The following CYTIP variants were observed in gnomAD, a reference collection of about 807,000 sequenced individuals.
The protein encoded by CYTIP is cytohesin 1 interacting protein.
A neutral mutation model predicts 43.8 loss-of-function variants in CYTIP; 26 were observed. That is an observed-to-expected ratio of 0.59 (90% confidence interval 0.44 to 0.82). The LOEUF is 0.82. Among genes scored for constraint, CYTIP ranks in the 40% least tolerant of loss-of-function variants. The pLI is 0.00. For missense variants in CYTIP, 426 were observed against 443.1 expected, an observed-to-expected ratio of 0.96 and a Z score of 0.35; for synonymous variants, 162 against 162.9, an observed-to-expected ratio of 0.99 and a Z score of 0.04.
chr2:157,415,886 C>G lies in CYTIP; in HGVS notation c.871G>C (p.Asp291His), dbSNP rs1422165949. The G allele has an allele frequency of 1.2e-6, 2 of 1,614,070 alleles. No individual in the cohort carries two copies. Among genetic ancestry groups the G allele is most frequent in the Non-Finnish European group, 1.7e-6 (2 of 1,180,024 alleles). The change falls in exon 8 of 8, where the codon GAT (aspartate) becomes CAT (histidine). Residue 291 changes from aspartate to histidine, a missense_variant. By Grantham distance (81) the Asp-to-His change is moderately conservative. Transcript: ENST00000264192. Reference protein sequence around the residue: ...DDECFIPKEGDDFLRRSSSRR... With the variant: ...DDECFIPKEGHDFLRRSSSRR... Reference sequence around the variant, plus strand: ...GAAGATGACCTCCTCAGAAAATCATCCCCCTCCTTGGGGATAAAGCACTCA... The same window carrying G: ...GAAGATGACCTCCTCAGAAAATCATGCCCCTCCTTGGGGATAAAGCACTCA...
rs1685567774 is a variant in CYTIP, at chr2:157,424,270, T to C, written c.546+3081A>G. On this transcript the variant is annotated intron_variant, in intron 6 of 7. Transcript: ENST00000264192. ...AATTTAGCAAAGTGTTTGAATATAG[T>C]CACAGCACAGAAAAATTTATTTCAC... 2.0e-5 allele frequency among the ~76,000 whole-genome samples: 3 copies of C among 152,150 alleles called. 1 individual carries two copies. In the South Asian group the frequency reaches 6.2e-4, roughly 31 times the overall value.
At chr2:157,430,332 G>A (rs571561860) in intron 5 of CYTIP, among the ~76,000 whole-genome samples, 4 of 152,246 alleles carry the variant, frequency 2.6e-5, no homozygotes, top group East Asian at 1.9e-4. Flanking sequence ...CCACACAGAC[G>A]TTTGGGCTAT....
intron 2 of CYTIP, 124 bp from the exon 3 acceptor site, chr2:157,434,548 G>T: frequency 1.1e-6 from 1 of 920,180 alleles, no homozygotes; most frequent in Non-Finnish European, 1.7e-6. Context: ...ATTGTAGTAT[G>T]TAAGATTCTG....
chr2:157,433,346 T>C (rs2105142443), intron 3 of CYTIP, among the ~76,000 whole-genome samples: 1 of 152,310 alleles, frequency 6.6e-6, no homozygotes, highest in East Asian at 1.9e-4. Context: ...GAAGTGATCC[T>C]CTTTTCAAAG....
chr2:157,437,665 A>T (rs1234958144), intron 1 of CYTIP, among the ~76,000 whole-genome samples: 18 of 143,834 alleles, frequency 1.3e-4, no homozygotes, highest in African/African-American at 4.4e-4. Flanking sequence ...ATGCCATTGC[A>T]CTCCAGCCTG....
chr2:157,419,962 G>T (rs763332559), intron 6 of CYTIP, among the ~76,000 whole-genome samples: 1 of 152,136 alleles, frequency 6.6e-6, no homozygotes, highest in Admixed American at 6.5e-5. Flanking sequence ...ATATAAAATC[G>T]AGCAATAAAT....
At chr2:157,440,259 C>T (rs1023270414) in intron 1 of CYTIP, among the ~76,000 whole-genome samples, 3 of 152,134 alleles carry the variant, frequency 2.0e-5, no homozygotes, top group African/African-American at 7.2e-5. Flanking sequence ...TATCAACGCT[C>T]CACAGACTAT....
chr2:157,428,392 G>A (rs188230423), intron 5 of CYTIP, among the ~76,000 whole-genome samples: 2 of 152,178 alleles, frequency 1.3e-5, no homozygotes, highest in Admixed American at 1.3e-4. Context: ...GAATAATCAG[G>A]TGGTAGCAAG....
rs767389855 is a variant in CYTIP at position 157,443,910 on chromosome 2, G to A, written c.111C>T (p.Asp37=). The change falls in exon 1 of 8, where the codon GAC becomes GAT. Residue 37 remains aspartate, a synonymous_variant. Transcript: ENST00000264192. The part of the protein sequence containing the change: ...YSTLTGSLTM[D]DNRRIQMLAD... ...CTAGCATTTGAATCCTTCTATTATC[G>A]TCCATCGTAAGGCTGCCGGTGAGTG... 5.6e-5 allele frequency: 91 copies of A among 1,613,926 alleles called. No individual in the cohort carries two copies. The highest frequency in any genetic ancestry group is 2.9e-4 in the East Asian group (13 of 44,896).
chr2:157,438,308 G>T (rs140175294), intron 1 of CYTIP, among the ~76,000 whole-genome samples: 1 of 152,170 alleles, frequency 6.6e-6, no homozygotes, highest in African/African-American at 2.4e-5. Flanking sequence ...TCACTCATAT[G>T]TGGAAGCTAA....
At chr2:157,427,061 A>G (rs557624986) in intron 6 of CYTIP, among the ~76,000 whole-genome samples, 2 of 152,310 alleles carry the variant, frequency 1.3e-5, no homozygotes, top group East Asian at 1.9e-4. Flanking sequence ...ATGTAAATCA[A>G]TAGAGATCAC....
chr2:157,434,597 G>C, intron 2 of CYTIP, 101 bp downstream of exon 2: 1 of 457,952 alleles, frequency 2.2e-6, no homozygotes, highest in Non-Finnish European at 3.6e-6. Flanking sequence ...TGTGTGCGTA[G>C]AGAGAGAGAG....
chr2:157,424,617 G>A (rs1370111231), intron 6 of CYTIP, among the ~76,000 whole-genome samples: 1 of 152,138 alleles, frequency 6.6e-6, no homozygotes, highest in Non-Finnish European at 1.5e-5. Context: ...CTTGAGCCCA[G>A]AGTTTGAGAC....
At chr2:157,420,387 G>C (rs1573854117) in intron 6 of CYTIP, among the ~76,000 whole-genome samples, 3 of 152,010 alleles carry the variant, frequency 2.0e-5, no homozygotes, top group South Asian at 2.1e-4. Flanking sequence ...GTGATGGCAG[G>C]CATCTGTAAT....
At chr2:157,424,250 A>T (rs1489334346) in intron 6 of CYTIP, among the ~76,000 whole-genome samples, 1 of 152,212 alleles carries the variant, frequency 6.6e-6, no homozygotes, top group Non-Finnish European at 1.5e-5. Context: ...TCTATAATTT[A>T]GCAAAGTGTT....
In CYTIP at chr2:157,415,901, T is replaced by A; in HGVS notation, c.856A>T (p.Ile286Phe). 1 of 1,614,186 alleles carries A rather than the reference T, an allele frequency of 6.2e-7. No homozygotes were observed. Among genetic ancestry groups the A allele is most frequent in the South Asian group, 1.1e-5 (1 of 91,078 alleles). ...RQTSTDDECF[I>F]PKEGDDFLRR... ...AGAAAATCATCCCCCTCCTTGGGGA[T>A]AAAGCACTCATCATCTGTACTCGTC... is the stretch of plus-strand genomic sequence containing the variant. Residue 286 changes from isoleucine to phenylalanine, a missense_variant, in exon 8 of 8, where the codon ATC becomes TTC. Ile to Phe is a conservative substitution (Grantham distance 21, BLOSUM62 0). Transcript: ENST00000264192.
chr2:157,435,153 G>A (rs1685791366), intron 1 of CYTIP, among the ~76,000 whole-genome samples: 1 of 152,054 alleles, frequency 6.6e-6, no homozygotes, highest in Admixed American at 6.6e-5. Flanking sequence ...GCCTCTGAAA[G>A]ATTAACCATA....
At position 157,414,878 on chromosome 2, in the gene CYTIP, C is replaced by A. The variant is rs1573851320; in HGVS notation, c.*799G>T. ...AACTACAGGAGGGAAGTCCTTTTCC[C>A]AACCCTCAGTTTTGGATGTTAGACA... On this transcript the variant is annotated 3_prime_UTR_variant, in exon 8 of 8. Coordinates refer to ENST00000264192, the MANE Select transcript of CYTIP (RefSeq NM_004288.5). 6.6e-6 allele frequency: 1 copy of A among 152,048 alleles called. No individual in the cohort carries two copies. Among genetic ancestry groups the A allele is most frequent in the East Asian group, 1.9e-4 (1 of 5,202 alleles). The allele number at this position is 152,048 out of a possible 1,614,324, so 9.4% of individuals were successfully genotyped here.
intron 1 of CYTIP, among the ~76,000 whole-genome samples, chr2:157,443,347 A>AAT (rs942983962): frequency 2.0e-5 from 3 of 152,184 alleles, no homozygotes; most frequent in Non-Finnish European, 4.4e-5. Flanking sequence ...CCAAAAAAAA[A>AAT]AAATCTTACT....
Sources: allele counts gnomAD v4.1 joint callset (sites outside exome capture counted in the v4.1 genomes callset), GRCh38; gene constraint gnomAD v4.1.1; transcripts MANE v1.5; gene names NCBI Gene and HGNC (gene_info 2026-07-23, HGNC 2026-07-21).